The following CNTNAP2 variants were observed in gnomAD, a reference collection of about 807,000 sequenced individuals.
CNTNAP2 encodes contactin-associated protein-like 2.
Under a neutral mutation model 155.2 loss-of-function variants are expected in CNTNAP2, and 98 were observed. The ratio of observed to expected loss-of-function variants is 0.63; its 90% CI spans 0.54 to 0.75. The LOEUF (loss-of-function observed/expected upper bound fraction) is 0.75, where lower values mean the gene tolerates loss of function less well. Ranked by LOEUF, CNTNAP2 falls within the 30% of genes least tolerant of loss-of-function variation. CNTNAP2 has a pLI of 0.00. For missense variants in CNTNAP2, 1,727 were observed against 1,688.1 expected (o/e 1.02, Z -0.40); for synonymous variants, 651 against 631.2 (o/e 1.03, Z -0.47).
intron 1 of CNTNAP2, among the ~76,000 whole-genome samples, chr7:146,640,128 A>T (rs969494356): frequency 8.5e-5 from 13 of 152,244 alleles, no homozygotes; most frequent in Admixed American, 3.3e-4. Context: ...TAAAAGCCTT[A>T]GCTTCTCATG....
chr7:148,289,629 A>G (rs555253571), intron 21 of CNTNAP2, among the ~76,000 whole-genome samples: 1 of 152,308 alleles, frequency 6.6e-6, no homozygotes, highest in Non-Finnish European at 1.5e-5. Context: ...GGGTAAAGGA[A>G]CAGAATTGCT....
chr7:147,649,405 T>C (rs1236328980), intron 13 of CNTNAP2, among the ~76,000 whole-genome samples: 1 of 152,214 alleles, frequency 6.6e-6, no homozygotes, highest in African/African-American at 2.4e-5. Flanking sequence ...ATGCAAAGAC[T>C]GCATGAGAAT....
At chr7:147,903,307 A>C (rs1434764794) in intron 13 of CNTNAP2, among the ~76,000 whole-genome samples, 1 of 152,104 alleles carries the variant, frequency 6.6e-6, no homozygotes, top group Non-Finnish European at 1.5e-5. Context: ...GCCTTAGCCC[A>C]CTTTTTGATG....
chr7:148,069,699 G>A (rs1044698308), intron 15 of CNTNAP2, among the ~76,000 whole-genome samples: 1 of 150,390 alleles, frequency 6.6e-6, no homozygotes, highest in Admixed American at 6.6e-5. Flanking sequence ...GGCAGAGCTT[G>A]CAGTGAGCCA....
In CNTNAP2 at chr7:146,733,765, A is replaced by G. The variant is rs1039136404; in HGVS notation, c.98-40506A>G. ...GGAGCCAGACAAGACTTGAGGAGAG[A>G]TGAGAGAAAGGAAATACTGTTTGAG... is the stretch of plus-strand genomic sequence containing the variant. On this transcript the variant is annotated intron_variant, in intron 1 of 23. Coordinates refer to ENST00000361727, the MANE Select transcript of CNTNAP2 (RefSeq NM_014141.6). 3.3e-5 allele frequency among the ~76,000 whole-genome samples: 5 copies of G among 152,214 alleles called. No individual in the cohort carries two copies. The East Asian group carries it at 7.7e-4, about 24-fold the overall frequency.
intron 10 of CNTNAP2, among the ~76,000 whole-genome samples, chr7:147,421,741 C>T (rs888265810): frequency 2.6e-5 from 4 of 151,930 alleles, no homozygotes; most frequent in African/African-American, 7.3e-5. Flanking sequence ...GTTTGGGTCA[C>T]GGGGGTGGAT....
chr7:146,929,939 T>C (rs1436530683), intron 3 of CNTNAP2, among the ~76,000 whole-genome samples: 1 of 152,034 alleles, frequency 6.6e-6, no homozygotes, highest in Non-Finnish European at 1.5e-5. Flanking sequence ...TGGGACTATG[T>C]GAAAAGACCA....
chr7:146,852,908 T>C (rs1262296765), intron 3 of CNTNAP2, among the ~76,000 whole-genome samples: 3 of 152,224 alleles, frequency 2.0e-5, no homozygotes, highest in Admixed American at 1.3e-4. Context: ...CAATTGTTCA[T>C]TCTATACGCA....
intron 1 of CNTNAP2, among the ~76,000 whole-genome samples, chr7:146,421,471 T>C (rs983348029): frequency 6.6e-6 from 1 of 151,986 alleles, no homozygotes; most frequent in African/African-American, 2.4e-5. Flanking sequence ...ATGTGATTGA[T>C]TTCAAATTAA....
chr7:146,572,813 A>T (rs565034704), intron 1 of CNTNAP2, among the ~76,000 whole-genome samples: 28 of 152,158 alleles, frequency 1.8e-4, no homozygotes, highest in Non-Finnish European at 3.5e-4. Context: ...CTTGGACAAA[A>T]GTAACGATAT....
At chr7:147,245,351 G>A (rs567330768) in intron 8 of CNTNAP2, among the ~76,000 whole-genome samples, 154 of 152,112 alleles carry the variant, frequency 1.0e-3, no homozygotes, top group African/African-American at 3.5e-3. Context: ...GTGTATTACT[G>A]GGATGGAGGG....
chr7:146,801,660 A>G (rs562249812), intron 2 of CNTNAP2, among the ~76,000 whole-genome samples: 5 of 152,330 alleles, frequency 3.3e-5, no homozygotes, highest in Admixed American at 3.3e-4. Context: ...GAACTGAGGC[A>G]TGACACTCAT....
intron 21 of CNTNAP2, among the ~76,000 whole-genome samples, chr7:148,299,554 A>T (rs1797345162): frequency 6.6e-6 from 1 of 151,954 alleles, no homozygotes; most frequent in South Asian, 2.1e-4. Flanking sequence ...ACAGTCAACG[A>T]TTTTTTTCTG....
intron 15 of CNTNAP2, among the ~76,000 whole-genome samples, chr7:148,054,117 T>C (rs919131180): frequency 6.6e-6 from 1 of 151,870 alleles, no homozygotes; most frequent in South Asian, 2.1e-4. Flanking sequence ...GGACTACAGG[T>C]ACCCGCCACC....
chr7:148,125,889 G>A (rs975156345), intron 16 of CNTNAP2, among the ~76,000 whole-genome samples: 1 of 151,888 alleles, frequency 6.6e-6, no homozygotes, highest in African/African-American at 2.4e-5. Flanking sequence ...TTTTAGTAGA[G>A]ACAGGGTTTC....
chr7:147,136,460 T>G (rs2129286195), intron 8 of CNTNAP2, among the ~76,000 whole-genome samples: 1 of 152,140 alleles, frequency 6.6e-6, no homozygotes, highest in African/African-American at 2.4e-5. Flanking sequence ...TCTGTGGACT[T>G]GTTTTATTTA....
intron 14 of CNTNAP2, among the ~76,000 whole-genome samples, chr7:147,905,805 A>G (rs1799947220): frequency 6.6e-6 from 1 of 151,870 alleles, no homozygotes; most frequent in Admixed American, 6.6e-5. Context: ...AATCGCTTGA[A>G]CCCAGGAGGC....
intron 10 of CNTNAP2, among the ~76,000 whole-genome samples, chr7:147,457,012 T>A (rs371655467): frequency 1.1e-4 from 17 of 152,154 alleles, no homozygotes; most frequent in African/African-American, 3.9e-4. Flanking sequence ...TTGATGAAAA[T>A]CATTTAAAAG....
At chr7:146,137,568 A>G (rs892458669) in intron 1 of CNTNAP2, among the ~76,000 whole-genome samples, 1 of 152,124 alleles carries the variant, frequency 6.6e-6, no homozygotes, top group Non-Finnish European at 1.5e-5. Flanking sequence ...TTTACAAATT[A>G]TAATTAAAAG....
Sources: gnomAD v4.1 joint callset for allele counts (sites outside exome capture counted in the v4.1 genomes callset) on GRCh38, gnomAD v4.1.1 for gene constraint, MANE v1.5 for transcripts, NCBI Gene and HGNC (gene_info 2026-07-23, HGNC 2026-07-21) for gene names.